The following RFX8 variants were observed in gnomAD, a reference collection of about 807,000 sequenced individuals.
RFX8 encodes the protein regulatory factor X8.
Under a neutral mutation model 54.6 loss-of-function variants are expected in RFX8, and 46 were observed. The ratio of observed to expected loss-of-function variants is 0.84; its 90% CI spans 0.67 to 1.08. The LOEUF (loss-of-function observed/expected upper bound fraction) is 1.08. RFX8 is among the 50% of genes least tolerant of loss of function. The pLI is 0.00. For missense variants in RFX8, 536 were observed against 562.3 expected, an observed-to-expected ratio of 0.95 and a Z score of 0.47; for synonymous variants, 192 against 209.5, an observed-to-expected ratio of 0.92 and a Z score of 0.72.
intron 9 of RFX8, among the ~76,000 whole-genome samples, chr2:101,408,067 A>G (rs1331226607): frequency 6.6e-6 from 1 of 152,208 alleles, no homozygotes; most frequent in African/African-American, 2.4e-5. Flanking sequence ...CCATTTTTCT[A>G]ATTTGCCTCC....
At chr2:101,465,502 C>G (rs1034360683) in intron 2 of RFX8, among the ~76,000 whole-genome samples, 17 of 152,074 alleles carry the variant, frequency 1.1e-4, no homozygotes, top group African/African-American at 4.1e-4. Context: ...GGGCAAGACT[C>G]TGTCTCAAAA....
At chr2:101,464,654 T>C (rs1689478147) in intron 2 of RFX8, among the ~76,000 whole-genome samples, 1 of 152,140 alleles carries the variant, frequency 6.6e-6, no homozygotes, top group Non-Finnish European at 1.5e-5. Context: ...AAATTTCCAA[T>C]GAGAGCTGAA....
chr2:101,421,677 G>A, intron 4 of RFX8, 47 bp downstream of exon 4: 3 of 1,526,944 alleles, frequency 2.0e-6, no homozygotes, highest in Admixed American at 2.3e-5. Flanking sequence ...ATAAATGCTT[G>A]TATTTTATAG....
chr2:101,409,653 C>T (rs1050954014), intron 9 of RFX8, among the ~76,000 whole-genome samples: 3 of 152,170 alleles, frequency 2.0e-5, no homozygotes, highest in Non-Finnish European at 4.4e-5. Flanking sequence ...GTGCGTGCCA[C>T]CATGCCCAGC....
chr2:101,423,371 G>C (rs1686980564), intron 2 of RFX8, among the ~76,000 whole-genome samples: 1 of 152,048 alleles, frequency 6.6e-6, no homozygotes, highest in Admixed American at 6.5e-5. Context: ...TCATGCTGCT[G>C]TCCCCTCTGG....
At chr2:101,466,998 A>G (rs753632835) in intron 1 of RFX8, 98 bp from the exon 2 acceptor site, 19 of 650,104 alleles carry the variant, frequency 2.9e-5, no homozygotes, top group Non-Finnish European at 5.0e-5. Context: ...ATGAGGTTCC[A>G]ATAAATGAAA....
chr2:101,440,465 T>C (rs140147365), intron 2 of RFX8, among the ~76,000 whole-genome samples: 36 of 152,318 alleles, frequency 2.4e-4, no homozygotes, highest in Non-Finnish European at 4.0e-4. Flanking sequence ...CAGCTTTCAA[T>C]AAAAACTTTA....
At chr2:101,455,984 T>A (rs550627564) in intron 2 of RFX8, among the ~76,000 whole-genome samples, 2 of 152,246 alleles carry the variant, frequency 1.3e-5, no homozygotes, top group Non-Finnish European at 2.9e-5. Flanking sequence ...AGCAATTGTG[T>A]ATGGGAGTTC....
chr2:101,414,208 G>A (rs566771295), intron 7 of RFX8, among the ~76,000 whole-genome samples: 15 of 152,188 alleles, frequency 9.9e-5, no homozygotes, highest in African/African-American at 3.1e-4. Context: ...CTGCTATGAC[G>A]CCCTGTTACC....
Position 101,397,641 on chromosome 2 carries a change from G to A in RFX8, c.1329C>T (p.Thr443=). Residue 443 remains threonine, a synonymous_variant, in exon 12 of 12, where the codon ACC becomes ACT. Transcript: ENST00000428343. The stretch of plus-strand genomic sequence containing the variant: ...TCACAAATTGTTGTCCATCTTTTAG[G>A]GTTATGAGGGCTTCTTGTCCCATAG... ...SLPMGQEALI[T]LKDGQQFVIQ... 5 of 1,551,244 alleles carry A rather than the reference G, an allele frequency of 3.2e-6. No individual in the cohort carries two copies. Among genetic ancestry groups the A allele is most frequent in the Middle Eastern group, 1.7e-4 (1 of 5,992 alleles).
chr2:101,409,271 G>A, intron 9 of RFX8, among the ~76,000 whole-genome samples: 1 of 152,198 alleles, frequency 6.6e-6, no homozygotes, highest in East Asian at 1.9e-4. Context: ...CGCCCAGGCT[G>A]GAGTGCAGTG....
At chr2:101,466,464 T>G (rs1055216537) in intron 2 of RFX8, among the ~76,000 whole-genome samples, 4 of 152,204 alleles carry the variant, frequency 2.6e-5, no homozygotes, top group African/African-American at 7.2e-5. Flanking sequence ...AGCTTGGCAC[T>G]TCTATGCAGG....
chr2:101,452,835 G>C (rs1688759535), intron 2 of RFX8, among the ~76,000 whole-genome samples: 1 of 152,134 alleles, frequency 6.6e-6, no homozygotes, highest in Non-Finnish European at 1.5e-5. Context: ...GGCTGGGCAT[G>C]GTGGCTCACG....
intron 1 of RFX8, among the ~76,000 whole-genome samples, chr2:101,468,585 T>C (rs1465666640): frequency 6.6e-6 from 1 of 152,092 alleles, no homozygotes; most frequent in Non-Finnish European, 1.5e-5. Context: ...TCACCGTGCA[T>C]GGCTAGTATC....
In RFX8 at chr2:101,410,578, G is replaced by T. The variant is rs949353790; in HGVS notation, c.813+41C>A. 2.0e-5 allele frequency: 21 copies of T among 1,051,886 alleles called. No individual in the cohort carries two copies. The African/African-American group carries it at 2.7e-4, about 14-fold the overall frequency. 65.2% of individuals were successfully genotyped at this position (1,051,886 alleles called of 1,614,324 possible). On this transcript the variant is annotated intron_variant, in intron 9 of 11. Transcript: ENST00000428343. ...CAATGGGCACTCATTTATCTAGAAT[G>T]GTCAACACACTTTTTTTTTTTTTAA...
chr2:101,423,521 T>C (rs1279820315), intron 2 of RFX8, among the ~76,000 whole-genome samples: 1 of 152,206 alleles, frequency 6.6e-6, no homozygotes, highest in Non-Finnish European at 1.5e-5. Flanking sequence ...TCCTCCAAGT[T>C]GAAAATTGAG....
intron 2 of RFX8, chr2:101,428,911 C>G: frequency 8.5e-7 from 1 of 1,178,696 alleles, no homozygotes; most frequent in Non-Finnish European, 1.2e-6. Context: ...ACTGGTATTG[C>G]TAGGTCTGGG....
chr2:101,402,330 T>G, intron 11 of RFX8, 106 bp downstream of exon 11: 1 of 984,696 alleles, frequency 1.0e-6, no homozygotes, highest in Non-Finnish European at 1.5e-6. Context: ...GACTGTAGAA[T>G]CGTTTATCAT....
chr2:101,409,835 C>T (rs1313444503), intron 9 of RFX8, among the ~76,000 whole-genome samples: 1 of 152,058 alleles, frequency 6.6e-6, no homozygotes, highest in African/African-American at 2.4e-5. Flanking sequence ...CCTAGCTCTC[C>T]CCACCTGCCC....
Sources: allele counts gnomAD v4.1 joint callset (sites outside exome capture counted in the v4.1 genomes callset), GRCh38; gene constraint gnomAD v4.1.1; transcripts MANE v1.5; gene names NCBI Gene and HGNC (gene_info 2026-07-23, HGNC 2026-07-21).